Variants in DUSP26 observed in about 807,000 individuals in gnomAD.
DUSP26 encodes dual specificity protein phosphatase 26.
Under a neutral mutation model 20.0 loss-of-function variants are expected in DUSP26, and 12 were observed. The ratio of observed to expected loss-of-function variants is 0.60; its 90% CI spans 0.38 to 0.97. The LOEUF is 0.97. DUSP26 is among the 50% of genes least tolerant of loss of function. The probability of loss-of-function intolerance (pLI) is 0.00; values close to 1 mark genes in which losing one functional copy is unlikely to be tolerated. For missense variants in DUSP26, 230 were observed against 294.0 expected (o/e 0.78, Z 1.59); for synonymous variants, 120 against 118.8 (o/e 1.01, Z -0.06).
intron 1 of DUSP26, among the ~76,000 whole-genome samples, chr8:33,599,370 ACAGC>A (rs1585381807): frequency 6.6e-6 from 1 of 152,154 alleles, no homozygotes; most frequent in East Asian, 1.9e-4. Flanking sequence ...GTCCAGGGAT[ACAGC>A]CCTGGGCATT....
intron 2 of DUSP26, among the ~76,000 whole-genome samples, chr8:33,596,507 G>A (rs550872573): frequency 3.9e-5 from 6 of 152,184 alleles, no homozygotes; most frequent in African/African-American, 1.2e-4. Flanking sequence ...GCTTGAACCC[G>A]GGAGGTGGAG....
chr8:33,596,348 C>G (rs1418179745), intron 2 of DUSP26, among the ~76,000 whole-genome samples: 1 of 151,872 alleles, frequency 6.6e-6, no homozygotes, highest in African/African-American at 2.4e-5. Context: ...GAGGCCGAGA[C>G]AGGTGGACTG....
intron 2 of DUSP26, among the ~76,000 whole-genome samples, chr8:33,596,539 G>A (rs1305510082): frequency 2.6e-5 from 4 of 152,074 alleles, no homozygotes; most frequent in Admixed American, 6.6e-5. Flanking sequence ...CCAAGATCGC[G>A]CCACTGCACT....
rs1017249720 is a variant in DUSP26 at position 33,593,894 on chromosome 8, A to G, written c.222-147T>C. The G allele has an allele frequency of 3.3e-6, 3 of 901,520 alleles. No individual in the cohort carries two copies. In the Admixed American group the frequency reaches 7.5e-5, roughly 23 times the overall value. 55.8% of individuals were successfully genotyped at this position (901,520 alleles called of 1,614,324 possible). A position where few individuals can be genotyped will look rare whatever the true frequency, so the allele number is the denominator to read the frequency against. On this transcript the variant is annotated intron_variant, in intron 2 of 3. Transcript: ENST00000256261. ...CTCTGTTTCCTAGGCCAGAGTGCTCACTGCCACCTCCATCTCCTGGGTTCA... is the reference window on the plus strand; with the variant it reads ...CTCTGTTTCCTAGGCCAGAGTGCTCGCTGCCACCTCCATCTCCTGGGTTCA...
rs1178226278 is a variant in DUSP26, at chr8:33,593,728, G to A, written c.241C>T (p.Arg81Trp). 22 of 1,614,064 alleles carry A rather than the reference G, an allele frequency of 1.4e-5. No individual in the cohort carries two copies. The highest frequency in any genetic ancestry group is 5.0e-5 in the Admixed American group (3 of 60,002). ...LGDQDMANNR[R>W]ELRRLGITHV... Reference sequence around the variant, plus strand: ...GTGATGCCCAGGCGGCGAAGCTCCCGGCGGTTGTTAGCCATGTCCCTGCAT... The same window carrying A: ...GTGATGCCCAGGCGGCGAAGCTCCCAGCGGTTGTTAGCCATGTCCCTGCAT... Residue 81 changes from arginine to tryptophan, a missense_variant, in exon 3 of 4, where the codon CGG (arginine) becomes TGG (tryptophan). By Grantham distance (101) the Arg-to-Trp change is moderately radical. Coordinates refer to ENST00000256261, the MANE Select transcript of DUSP26 (RefSeq NM_024025.3).
chr8:33,598,888 G>A (rs7831411), intron 1 of DUSP26, among the ~76,000 whole-genome samples: 2,373 of 152,270 alleles, frequency 0.016, 61 homozygotes, highest in African/African-American at 0.055. Flanking sequence ...GACCAGCAGT[G>A]AGAGGCCATC....
chr8:33,597,469 C>T lies in DUSP26; in HGVS notation c.47G>A (p.Arg16His), dbSNP rs377371557. Residue 16 changes from arginine to histidine, a missense_variant, in exon 2 of 4, where the codon CGC becomes CAC. Arg to His is a conservative substitution (Grantham distance 29). Transcript: ENST00000256261. ...WLWASMTFMARFSRSSSRSPV... is the reference protein window; with the variant it reads ...WLWASMTFMAHFSRSSSRSPV... ...AGACCTTGAGCTACTCCGGGAGAAG[C>T]GGGCCATAAAAGTCATAGAAGCCCA... The T allele has an allele frequency of 2.1e-5, 34 of 1,613,948 alleles. No homozygotes were observed. Among genetic ancestry groups the T allele is most frequent in the African/African-American group, 5.3e-5 (4 of 75,028 alleles).
chr8:33,598,623 C>T (rs988297999), intron 1 of DUSP26, among the ~76,000 whole-genome samples: 1 of 152,146 alleles, frequency 6.6e-6, no homozygotes, highest in African/African-American at 2.4e-5. Flanking sequence ...CCCTACAAAA[C>T]ACGAGGTCAA....
intron 2 of DUSP26, 111 bp from the exon 3 acceptor site, chr8:33,593,858 A>G: frequency 8.0e-7 from 1 of 1,257,454 alleles, no homozygotes; most frequent in Non-Finnish European, 1.1e-6. Context: ...TTTTTTTGAG[A>G]TGGAGTCTCG....
At chr8:33,593,868 G>C (rs1461850553) in intron 2 of DUSP26, 121 bp from the exon 3 acceptor site, 3 of 1,165,084 alleles carry the variant, frequency 2.6e-6, no homozygotes, top group African/African-American at 1.5e-5. Context: ...ATGGAGTCTC[G>C]CTCTGTTTCC....
rs778932566 is a variant in DUSP26, at chr8:33,593,676, C to G, written c.293G>C (p.Arg98Pro). Residue 98 changes from arginine (R) to proline (P), a missense_variant, in exon 3 of 4, where the codon CGG (arginine) becomes CCG (proline). Arg to Pro is a moderately radical substitution (Grantham distance 103). Transcript: ENST00000256261. ...ATAGGCCTCGGGCGTGCCTCGCCAC[C>G]GGCTGTGTGAGGCATTGAGGACGTG... ...ITHVLNASHS[R>P]WRGTPEAYEG... 4.3e-6 allele frequency: 7 copies of G among 1,614,202 alleles called. No homozygotes were observed. The South Asian group carries it at 7.7e-5, about 18-fold the overall frequency.
chr8:33,597,174 C>T lies in DUSP26; in HGVS notation c.221+121G>A. 3.0e-6 allele frequency: 3 copies of T among 991,818 alleles called. No homozygotes were observed. The South Asian group carries it at 5.0e-5, about 17-fold the overall frequency. 61.4% of individuals were successfully genotyped at this position (991,818 alleles called of 1,614,324 possible). ...TCTACTCTTGGCCCATGTGCCCTAT[C>T]CCCTCAATCTTCAACCAGGAACCAA... On this transcript the variant is annotated intron_variant, in intron 2 of 3. Transcript: ENST00000256261.
Position 33,592,102 on chromosome 8 carries a change from T to C in DUSP26, c.547A>G (p.Lys183Glu), listed in dbSNP as rs1811034713. The C allele has an allele frequency of 6.2e-7, 1 of 1,613,638 alleles. No homozygotes were observed. The highest frequency in any genetic ancestry group is 1.7e-5 in the Admixed American group (1 of 59,924). ...LTLVEAIKKVKDHRGIIPNRG... is the reference protein window; with the variant it reads ...LTLVEAIKKVEDHRGIIPNRG... ...TTGGGGATGATGCCTCGGTGGTCTT[T>C]GACTTTCTTGATGGCCTCCACGAGG... is the stretch of plus-strand genomic sequence containing the variant. Residue 183 changes from lysine to glutamate, a missense_variant, in exon 4 of 4, where the codon AAA (lysine) becomes GAA (glutamate). Transcript: ENST00000256261.
chr8:33,594,896 G>T (rs1353598731), intron 2 of DUSP26, among the ~76,000 whole-genome samples: 1 of 151,944 alleles, frequency 6.6e-6, no homozygotes, highest in African/African-American at 2.4e-5. Context: ...GCTAATTTTT[G>T]TATTTTTAGT....
intron 1 of DUSP26, among the ~76,000 whole-genome samples, chr8:33,598,687 G>C (rs1811206218): frequency 6.6e-6 from 1 of 152,136 alleles, no homozygotes; most frequent in Non-Finnish European, 1.5e-5. Flanking sequence ...TGCAGAGCTG[G>C]GAAGGACCAG....
In DUSP26 at chr8:33,591,691, A is replaced by C. The variant is rs1811021616; in HGVS notation, c.*322T>G. The C allele has an allele frequency of 2.9e-6, 1 of 344,172 alleles. No homozygotes were observed. The highest frequency in any genetic ancestry group is 2.2e-5 in the African/African-American group (1 of 46,174). 21.3% of individuals were successfully genotyped at this position (344,172 alleles called of 1,614,324 possible). A position where few individuals can be genotyped will look rare whatever the true frequency, so the allele number is the denominator to read the frequency against. The stretch of plus-strand genomic sequence containing the variant: ...GGGAGAGAGGGAAACACTTGGGCAC[A>C]AAGAGGGGAAGGGACTGTGAATCCC... On this transcript the variant is annotated 3_prime_UTR_variant, in exon 4 of 4. Transcript: ENST00000256261.
intron 3 of DUSP26, among the ~76,000 whole-genome samples, chr8:33,593,259 A>G (rs1811064518): frequency 6.6e-6 from 1 of 152,058 alleles, no homozygotes; most frequent in Admixed American, 6.6e-5. Context: ...GTGACAGAGA[A>G]AGACTCCATC....
At chr8:33,597,201 G>A (rs1811167223) in intron 2 of DUSP26, 94 bp downstream of exon 2, 1 of 1,218,950 alleles carries the variant, frequency 8.2e-7, no homozygotes, top group African/African-American at 1.5e-5. Context: ...AGGAACCAAT[G>A]ACACCACTGC....
intron 1 of DUSP26, among the ~76,000 whole-genome samples, chr8:33,598,625 C>T (rs1184434765): frequency 6.6e-6 from 1 of 152,088 alleles, no homozygotes; most frequent in African/African-American, 2.4e-5. Flanking sequence ...CTACAAAACA[C>T]GAGGTCAATA....
Sources: allele counts gnomAD v4.1 joint callset (sites outside exome capture counted in the v4.1 genomes callset), GRCh38; gene constraint gnomAD v4.1.1; transcripts MANE v1.5; gene names NCBI Gene and HGNC (gene_info 2026-07-23, HGNC 2026-07-21).